Variants in NIPAL3 observed in about 807,000 individuals in gnomAD.
The protein encoded by NIPAL3 is NIPA-like protein 3.
A neutral mutation model predicts 47.2 loss-of-function variants in NIPAL3; 41 were observed. That is an observed-to-expected ratio of 0.87 (90% CI 0.68 to 1.13). NIPAL3 has a LOEUF of 1.13. NIPAL3 is among the 50% of genes most tolerant of loss of function. The probability of loss-of-function intolerance (pLI) is 0.00; values close to 1 mark genes in which losing one functional copy is unlikely to be tolerated. For missense variants in NIPAL3, 449 were observed against 530.1 expected (o/e 0.85, Z 1.50); for synonymous variants, 194 against 209.6 (o/e 0.93, Z 0.64).
chr1:24,416,059 T>G lies in NIPAL3; in HGVS notation c.-258+155T>G. The stretch of plus-strand genomic sequence containing the variant: ...CCTGGGTCCCGTTGCCTTGGAATGT[T>G]CTTTCCAGTTTTGCATCGAGGCCAA... On this transcript the variant is annotated intron_variant, in intron 1 of 11. Transcript: ENST00000374399. The surrounding 1 kb of genome is among the most constrained non-coding windows in gnomAD (Gnocchi z 4.8). 1.0e-6 allele frequency: 1 copy of G among 985,674 alleles called. No individual in the cohort carries two copies. Among genetic ancestry groups the G allele is most frequent in the Non-Finnish European group, 1.2e-6 (1 of 830,116 alleles). The allele number at this position is 985,674 out of a possible 1,614,324, so 61.1% of individuals were successfully genotyped here.
chr1:24,446,613 T>A lies in NIPAL3; in HGVS notation c.394+1369T>A, dbSNP rs188333208. Among the ~76,000 whole-genome samples the A allele has an allele frequency of 3.9e-3, 596 of 152,352 alleles. 2 individuals carry two copies. The highest frequency in any genetic ancestry group is 0.014 in the African/African-American group (578 of 41,564). ...CCTGCAAAGGATATGATATCATTTT[T>A]TTTGGCTGCATAGTATTCCATGGTG... On this transcript the variant is annotated intron_variant, in intron 5 of 11. Transcript: ENST00000374399.
Position 24,454,705 on chromosome 1 carries a change from T to G in NIPAL3, c.637+1201T>G. 1 of 295,774 alleles carries G rather than the reference T, an allele frequency of 3.4e-6. No homozygotes were observed. The highest frequency in any genetic ancestry group is 5.0e-6 in the Non-Finnish European group (1 of 199,350). 18.3% of individuals were successfully genotyped at this position (295,774 alleles called of 1,614,324 possible). On this transcript the variant is annotated intron_variant, in intron 7 of 11. Transcript: ENST00000374399. The surrounding 1 kb of genome is among the most constrained non-coding windows in gnomAD (Gnocchi z 4.1). Reference sequence around the variant, plus strand: ...CCCCCAAAAGAAACCCTGTGCCCATTAGCAGTCACTCCCTGTTCCCCTTTT... The same window carrying G: ...CCCCCAAAAGAAACCCTGTGCCCATGAGCAGTCACTCCCTGTTCCCCTTTT...
chr1:24,431,801 C>T (rs907047140), intron 2 of NIPAL3, among the ~76,000 whole-genome samples: 1 of 151,926 alleles, frequency 6.6e-6, no homozygotes, highest in African/African-American at 2.4e-5. Context: ...TTGCTGGTTC[C>T]CACCCCCGGA....
chr1:24,430,728 C>T (rs1193302591), intron 2 of NIPAL3, among the ~76,000 whole-genome samples: 1 of 152,204 alleles, frequency 6.6e-6, no homozygotes, highest in South Asian at 2.1e-4. Context: ...ATTTCTGTGA[C>T]GTTTACCAAA....
intron 11 of NIPAL3, among the ~76,000 whole-genome samples, 187 bp from the exon 12 acceptor site, chr1:24,468,799 A>G (rs1163317212): frequency 2.0e-5 from 3 of 152,172 alleles, no homozygotes; most frequent in Non-Finnish European, 4.4e-5. Context: ...CTTGTTGCTT[A>G]GCAACCGTAA....
chr1:24,471,284 G>A lies in NIPAL3; in HGVS notation c.*2099G>A, dbSNP rs1646892570. On this transcript the variant is annotated 3_prime_UTR_variant, in exon 12 of 12. Transcript: ENST00000374399. Reference sequence around the variant, plus strand: ...GGTGGGAGATGAGTCTCAAAGCTAAGTAGTGGAAGCTGGGCACAGTGGCTC... The same window carrying A: ...GGTGGGAGATGAGTCTCAAAGCTAAATAGTGGAAGCTGGGCACAGTGGCTC... 1 of 152,548 alleles carries A rather than the reference G, an allele frequency of 6.6e-6. No homozygotes were observed. The highest frequency in any genetic ancestry group is 2.4e-5 in the African/African-American group (1 of 41,464). The allele number at this position is 152,548 out of a possible 1,614,324, so 9.4% of individuals were successfully genotyped here.
At chr1:24,422,110 AG>A (rs1644361336) in intron 2 of NIPAL3, 1 of 152,218 alleles carries the variant, frequency 6.6e-6, no homozygotes, top group Non-Finnish European at 1.5e-5. Flanking sequence ...CTCATTCTAG[AG>A]CGAAGATTGA....
rs1646864918 is a variant in NIPAL3 at position 24,470,427 on chromosome 1, C to T, written c.*1242C>T. On this transcript the variant is annotated 3_prime_UTR_variant, in exon 12 of 12. Coordinates refer to ENST00000374399, the MANE Select transcript of NIPAL3 (RefSeq NM_020448.5). Reference sequence around the variant, plus strand: ...GGAGTGGGGCCCACGGGTCTGCATTCTTAACTGGTACCACCAGTGATTCTG... The same window carrying T: ...GGAGTGGGGCCCACGGGTCTGCATTTTTAACTGGTACCACCAGTGATTCTG... 1 of 152,232 alleles carries T rather than the reference C, an allele frequency of 6.6e-6. No individual in the cohort carries two copies. Among genetic ancestry groups the T allele is most frequent in the Non-Finnish European group, 1.5e-5 (1 of 68,048 alleles). The allele number at this position is 152,232 out of a possible 1,614,324, so 9.4% of individuals were successfully genotyped here. A position where few individuals can be genotyped will look rare whatever the true frequency, so the allele number is the denominator to read the frequency against.
chr1:24,440,110 G>A (rs1645304494), intron 2 of NIPAL3, 62 bp from the exon 3 acceptor site: 9 of 1,225,274 alleles, frequency 7.3e-6, no homozygotes, highest in Non-Finnish European at 1.0e-5. Flanking sequence ...AGTGTCAGAA[G>A]TGTCCTGGGG....
At chr1:24,464,643 C>T (rs1318306421) in intron 11 of NIPAL3, 1 of 152,170 alleles carries the variant, frequency 6.6e-6, no homozygotes. Context: ...CAATACTGCC[C>T]AGCAGGGAGT....
intron 7 of NIPAL3, among the ~76,000 whole-genome samples, chr1:24,455,164 C>T (rs1258470354): frequency 6.6e-6 from 1 of 152,170 alleles, no homozygotes; most frequent in African/African-American, 2.4e-5. Flanking sequence ...GAAAGCAAAG[C>T]ACAGCAGCAG....
Position 24,456,221 on chromosome 1 carries a change from ATCT to A in NIPAL3, c.725_727del (p.Phe242del). 6.2e-7 allele frequency: 1 copy of A among 1,614,094 alleles called. No individual in the cohort carries two copies. The highest frequency in any genetic ancestry group is 8.5e-7 in the Non-Finnish European group (1 of 1,179,996). On this transcript the variant is annotated inframe_deletion, in exon 8 of 12. Coordinates refer to ENST00000374399, the MANE Select transcript of NIPAL3 (RefSeq NM_020448.5). ...AGGGAACCTGCAGCTTGACTACCCCATCTTCTACGTGATGTTCGTGTGCATGGT... is the reference window on the plus strand; with the variant it reads ...AGGGAACCTGCAGCTTGACTACCCCATCTACGTGATGTTCGTGTGCATGGT...
intron 2 of NIPAL3, among the ~76,000 whole-genome samples, chr1:24,437,476 A>G (rs1054346779): frequency 6.6e-6 from 1 of 152,234 alleles, no homozygotes; most frequent in East Asian, 1.9e-4. Flanking sequence ...AATAATAAAC[A>G]TGTCCCAAAA....
At position 24,470,695 on chromosome 1, in the gene NIPAL3, C is replaced by T. The variant is rs1327604409; in HGVS notation, c.*1510C>T. Reference sequence around the variant, plus strand: ...TAGGCATGATAACAGTGTTAATAGACCAGTGTGATAGATCACTTATCTTTA... The same window carrying T: ...TAGGCATGATAACAGTGTTAATAGATCAGTGTGATAGATCACTTATCTTTA... On this transcript the variant is annotated 3_prime_UTR_variant, in exon 12 of 12. Coordinates refer to ENST00000374399, the MANE Select transcript of NIPAL3 (RefSeq NM_020448.5). 6.6e-6 allele frequency: 1 copy of T among 152,238 alleles called. No homozygotes were observed. Among genetic ancestry groups the T allele is most frequent in the Non-Finnish European group, 1.5e-5 (1 of 68,046 alleles). The allele number at this position is 152,238 out of a possible 1,614,324, so 9.4% of individuals were successfully genotyped here.
At chr1:24,438,922 T>C (rs538079409) in intron 2 of NIPAL3, among the ~76,000 whole-genome samples, 2 of 152,186 alleles carry the variant, frequency 1.3e-5, no homozygotes, top group African/African-American at 4.8e-5. Context: ...GCAATTCCAC[T>C]TACAAGAATT....
rs147422370 is a variant in NIPAL3, at chr1:24,429,957, T to A, written c.94-10215T>A. On this transcript the variant is annotated intron_variant, in intron 2 of 11. Coordinates refer to ENST00000374399, the MANE Select transcript of NIPAL3 (RefSeq NM_020448.5). Reference sequence around the variant, plus strand: ...GTTCAGAAGAGTTTATTTATTGGTATGATTGACTGAAAGCTGTTAATGCAG... The same window carrying A: ...GTTCAGAAGAGTTTATTTATTGGTAAGATTGACTGAAAGCTGTTAATGCAG... Among the ~76,000 whole-genome samples, 633 of 152,318 alleles carry A rather than the reference T, an allele frequency of 4.2e-3. 5 individuals carry two copies. The highest frequency in any genetic ancestry group is 0.015 in the African/African-American group (612 of 41,556).
rs892739351 is a variant in NIPAL3, at chr1:24,454,265, C to T, written c.637+761C>T. ...CTTCCTGAGGAGAAGCAGACAGAGG[C>T]GGAGGAGCAGGCTGGTGTCAGGGCT... is the stretch of plus-strand genomic sequence containing the variant. On this transcript the variant is annotated intron_variant, in intron 7 of 11. Coordinates refer to ENST00000374399, the MANE Select transcript of NIPAL3 (RefSeq NM_020448.5). The surrounding 1 kb of genome is among the most constrained non-coding windows in gnomAD (Gnocchi z 4.1). 5 of 1,163,620 alleles carry T rather than the reference C, an allele frequency of 4.3e-6. No individual in the cohort carries two copies. The African/African-American group carries it at 6.6e-5, about 15-fold the overall frequency. 72.1% of individuals were successfully genotyped at this position (1,163,620 alleles called of 1,614,324 possible).
intron 10 of NIPAL3, among the ~76,000 whole-genome samples, chr1:24,461,743 C>A (rs983933960): frequency 1.3e-5 from 2 of 151,296 alleles, no homozygotes; most frequent in Non-Finnish European, 2.9e-5. Flanking sequence ...GTGGCAGGCA[C>A]CTGTAATCCC....
At chr1:24,464,254 C>G in intron 11 of NIPAL3, 134 bp downstream of exon 11, 1 of 672,852 alleles carries the variant, frequency 1.5e-6, no homozygotes, top group Non-Finnish European at 2.3e-6. Context: ...TTTTTCTTTT[C>G]TTTTTAATTT....
Sources: gnomAD v4.1 joint callset for allele counts (sites outside exome capture counted in the v4.1 genomes callset) on GRCh38, gnomAD v4.1.1 for gene constraint, Gnocchi (gnomAD v3.1) non-coding constraint, MANE v1.5 for transcripts, NCBI Gene and HGNC (gene_info 2026-07-23, HGNC 2026-07-21) for gene names.